ACOX3: variants seen among roughly 807,000 people sequenced by gnomAD.
ACOX3 encodes the protein acyl-CoA oxidase 3, pristanoyl, also known as peroxisomal acyl-coenzyme A oxidase 3.
A neutral mutation model predicts 81.5 loss-of-function variants in ACOX3; 73 were observed. The observed-to-expected ratio is 0.90, with a 90% CI of 0.74 to 1.09. ACOX3 has a LOEUF of 1.09. Among genes scored for constraint, ACOX3 ranks in the 50% least tolerant of loss-of-function variants. The pLI, the probability that ACOX3 is intolerant of heterozygous loss-of-function variation, is 0.00. For missense variants in ACOX3, 947 were observed against 928.0 expected, an observed-to-expected ratio of 1.02 and a Z score of -0.27; for synonymous variants, 387 against 375.1, an observed-to-expected ratio of 1.03 and a Z score of -0.37.
intron 7 of ACOX3, among the ~76,000 whole-genome samples, chr4:8,403,477 C>T (rs962054102): frequency 3.9e-5 from 6 of 152,202 alleles, no homozygotes; most frequent in Admixed American, 6.5e-5. Context: ...CCTTCAAAGG[C>T]TCAGGGATCA....
At chr4:8,356,934 C>G in the ACOX3 span, 1,758 of 423,452 alleles carry the variant, frequency 4.2e-3, no homozygotes, top group African/African-American at 0.044. Flanking sequence ...TCCCAGCAGG[C>G]GAGAAGAAGA....
In ACOX3 at chr4:8,386,777, G is replaced by C. The variant is rs1183838998; in HGVS notation, c.1537+2396C>G. Among the ~76,000 whole-genome samples the C allele has an allele frequency of 6.6e-6, 1 of 152,126 alleles. No individual in the cohort carries two copies. On this transcript the variant is annotated intron_variant, in intron 13 of 17. Coordinates refer to ENST00000356406, the MANE Select transcript of ACOX3 (RefSeq NM_003501.3). This position sits in a 1 kb window ranked among gnomAD's most constrained non-coding sequence, Gnocchi z 5.2. ...GCTGACGGTGCGGGCAGGGGAAGGC[G>C]CTGGGAAGCCGGACCGGCCCAGGCT...
intron 17 of ACOX3, among the ~76,000 whole-genome samples, chr4:8,369,066 CT>C (rs1444544852): frequency 5.9e-5 from 9 of 152,236 alleles, no homozygotes; most frequent in African/African-American, 2.2e-4. Context: ...CAGGGGGCCC[CT>C]CCATCATGGG....
Position 8,416,455 on chromosome 4 carries a change from C to T in ACOX3, c.67G>A (p.Ala23Thr), listed in dbSNP as rs749406012. 1 of 1,614,118 alleles carries T rather than the reference C, an allele frequency of 6.2e-7. No individual in the cohort carries two copies. The highest frequency in any genetic ancestry group is 1.1e-5 in the South Asian group (1 of 91,074). ...CTGAAGGACGCTCTTGCTCGGTAGG[C>T]ATCGAGGGGCCCCCTGGGGAATTCT... ...LPEFPRGPLD[A>T]YRARASFSWK... is the part of the protein sequence containing the mutation. Residue 23 changes from alanine (A) to threonine (T), a missense_variant, in exon 2 of 18, where the codon GCC becomes ACC. Ala to Thr is a moderately conservative substitution (Grantham distance 58). Coordinates refer to ENST00000356406, the MANE Select transcript of ACOX3 (RefSeq NM_003501.3). This position sits in a 1 kb window ranked among gnomAD's most constrained non-coding sequence, Gnocchi z 4.2.
Position 8,382,116 on chromosome 4 carries a change from G to A in ACOX3, c.1538-509C>T, listed in dbSNP as rs1298450141. On this transcript the variant is annotated intron_variant, in intron 13 of 17. Transcript: ENST00000356406. The surrounding 1 kb of genome is among the most constrained non-coding windows in gnomAD (Gnocchi z 4.1). Reference sequence around the variant, plus strand: ...CCGCATGCTGGAGCTGTGGAACTGGGGACTGACATGGTGGGGGAGGGGGGA... The same window carrying A: ...CCGCATGCTGGAGCTGTGGAACTGGAGACTGACATGGTGGGGGAGGGGGGA... Among the ~76,000 whole-genome samples the A allele has an allele frequency of 6.6e-6, 1 of 152,212 alleles. No homozygotes were observed. Among genetic ancestry groups the A allele is most frequent in the African/African-American group, 2.4e-5 (1 of 41,448 alleles).
At position 8,370,769 on chromosome 4, in the gene ACOX3, G is replaced by C; in HGVS notation, c.1983+139C>G. The C allele has an allele frequency of 1.4e-6, 1 of 705,774 alleles. No homozygotes were observed. Among genetic ancestry groups the C allele is most frequent in the Non-Finnish European group, 2.4e-6 (1 of 418,560 alleles). The allele number at this position is 705,774 out of a possible 1,614,324, so 43.7% of individuals were successfully genotyped here. On this transcript the variant is annotated intron_variant, in intron 17 of 17. Coordinates refer to ENST00000356406, the MANE Select transcript of ACOX3 (RefSeq NM_003501.3). The surrounding 1 kb of genome is among the most constrained non-coding windows in gnomAD (Gnocchi z 6.3). ...GAGTGAGACAGTCCTGACTTGTCCC[G>C]GGCCCTCCCCAAGAAGCTCCTCCAT...
At chr4:8,408,136 A>T (rs372622661) in intron 6 of ACOX3, among the ~76,000 whole-genome samples, 2,892 of 152,232 alleles carry the variant, frequency 0.019, 70 homozygotes, top group African/African-American at 0.063. Flanking sequence ...TCAATTCACC[A>T]TCTAACTTCA....
At position 8,384,605 on chromosome 4, in the gene ACOX3, A is replaced by G. The variant is rs1268229470; in HGVS notation, c.1538-2998T>C. ...TGCCCCCAGCCGCCCTGTGCACCCA[A>G]TGACTGCCCCTCGATCTGCCCCCTC... On this transcript the variant is annotated intron_variant, in intron 13 of 17. Coordinates refer to ENST00000356406, the MANE Select transcript of ACOX3 (RefSeq NM_003501.3). This position sits in a 1 kb window ranked among gnomAD's most constrained non-coding sequence, Gnocchi z 5.3. Among the ~76,000 whole-genome samples the G allele has an allele frequency of 6.6e-6, 1 of 152,028 alleles. No individual in the cohort carries two copies. Among genetic ancestry groups the G allele is most frequent in the African/African-American group, 2.4e-5 (1 of 41,406 alleles).
rs536656667 is a variant in ACOX3, at chr4:8,425,300, G to A, written c.-14-8765C>T. Among the ~76,000 whole-genome samples the A allele has an allele frequency of 2.0e-5, 3 of 152,120 alleles. No homozygotes were observed. The South Asian group carries it at 6.2e-4, about 32-fold the overall frequency. ...CTTATAGAAGGACCCCTAGTATGGGGTAATCCCCTGTAGGAAACCAAGCCC... is the reference window on the plus strand; with the variant it reads ...CTTATAGAAGGACCCCTAGTATGGGATAATCCCCTGTAGGAAACCAAGCCC... On this transcript the variant is annotated intron_variant, in intron 1 of 17. Coordinates refer to ENST00000356406, the MANE Select transcript of ACOX3 (RefSeq NM_003501.3).
chr4:8,373,943 G>A (rs779827425), intron 15 of ACOX3: 56 of 428,058 alleles, frequency 1.3e-4, no homozygotes, highest in Non-Finnish European at 2.1e-4. Context: ...AGGCTGGGCG[G>A]GTTCCTTCCT....
chr4:8,434,064 A>AATT (rs963897298), intron 1 of ACOX3, among the ~76,000 whole-genome samples: 1 of 152,176 alleles, frequency 6.6e-6, no homozygotes, highest in Non-Finnish European at 1.5e-5. Context: ...TAATAATAAT[A>AATT]ATAATAACAT....
rs1180432297 is a variant in ACOX3, at chr4:8,392,389, G to A, written c.1244C>T (p.Thr415Ile). The change falls in exon 11 of 18, where the codon ACC becomes ATC. Residue 415 changes from threonine (T) to isoleucine (I), a missense_variant. Coordinates refer to ENST00000356406, the MANE Select transcript of ACOX3 (RefSeq NM_003501.3). ...SASKPLASWT[T>I]QQGIQECREA... is the part of the protein sequence containing the mutation. ...CCGGCATTCCTGAATTCCTTGCTGG[G>A]TGGTCCACGAGGCCAGGGGCTTGCT... 1 of 1,609,322 alleles carries A rather than the reference G, an allele frequency of 6.2e-7. No homozygotes were observed. The highest frequency in any genetic ancestry group is 1.7e-5 in the Admixed American group (1 of 58,490).
At chr4:8,404,598 A>C (rs1266644830) in intron 7 of ACOX3, among the ~76,000 whole-genome samples, 1 of 151,916 alleles carries the variant, frequency 6.6e-6, no homozygotes, top group African/African-American at 2.4e-5. Context: ...GATTTAAGAC[A>C]CTCCCTGCCC....
In ACOX3 at chr4:8,387,566, G is replaced by A. The variant is rs12509044; in HGVS notation, c.1537+1607C>T. ...AGTGAGGCGATGGCGAGATGGAGGC[G>A]TTGCTGCGGCTTTGAGCTGTTCTCT... On this transcript the variant is annotated intron_variant, in intron 13 of 17. Transcript: ENST00000356406. 6.6e-3 allele frequency among the ~76,000 whole-genome samples: 1,001 copies of A among 152,362 alleles called. 5 individuals carry two copies. Among genetic ancestry groups the A allele is most frequent in the South Asian group, 0.027 (131 of 4,828 alleles).
intron 1 of ACOX3, among the ~76,000 whole-genome samples, chr4:8,429,802 C>A (rs1723846245): frequency 6.6e-6 from 1 of 152,148 alleles, no homozygotes. Context: ...GCGTTGTGCG[C>A]CATGGTTCTC....
intron 1 of ACOX3, among the ~76,000 whole-genome samples, chr4:8,425,048 C>A (rs899224412): frequency 6.6e-6 from 1 of 152,308 alleles, no homozygotes; most frequent in East Asian, 1.9e-4. Flanking sequence ...GTCCTCCATG[C>A]CCATGCAGCA....
At chr4:8,417,029 C>T (rs1722415404) in intron 1 of ACOX3, among the ~76,000 whole-genome samples, 1 of 152,276 alleles carries the variant, frequency 6.6e-6, no homozygotes, top group Admixed American at 6.5e-5. Flanking sequence ...CACAGGGCCT[C>T]CAGCACAGAA....
At position 8,406,746 on chromosome 4, in the gene ACOX3, C is replaced by G. The variant is rs1721012968; in HGVS notation, c.688-703G>C. ...AAGACAGCTTACGCCATTATTTCTG[C>G]TTATTAGAGACTTTTAGTACTTTCA... On this transcript the variant is annotated intron_variant, in intron 6 of 17. Coordinates refer to ENST00000356406, the MANE Select transcript of ACOX3 (RefSeq NM_003501.3). The surrounding 1 kb of genome is among the most constrained non-coding windows in gnomAD (Gnocchi z 5.6). Among the ~76,000 whole-genome samples the G allele has an allele frequency of 6.6e-6, 1 of 152,204 alleles. No homozygotes were observed. The highest frequency in any genetic ancestry group is 2.1e-4 in the South Asian group (1 of 4,836).
rs1022434866 is a variant in ACOX3 at position 8,384,599 on chromosome 4, C to A, written c.1538-2992G>T. On this transcript the variant is annotated intron_variant, in intron 13 of 17. Coordinates refer to ENST00000356406, the MANE Select transcript of ACOX3 (RefSeq NM_003501.3). This position sits in a 1 kb window ranked among gnomAD's most constrained non-coding sequence, Gnocchi z 5.3. ...CGAAGGTGCCCCCAGCCGCCCTGTG[C>A]ACCCAATGACTGCCCCTCGATCTGC... is the stretch of plus-strand genomic sequence containing the variant. Among the ~76,000 whole-genome samples the A allele has an allele frequency of 1.3e-5, 2 of 152,182 alleles. No homozygotes were observed. Among genetic ancestry groups the A allele is most frequent in the African/African-American group, 4.8e-5 (2 of 41,452 alleles).
Sources: gnomAD v4.1 joint callset for allele counts (sites outside exome capture counted in the v4.1 genomes callset) on GRCh38, gnomAD v4.1.1 for gene constraint, Gnocchi (gnomAD v3.1) non-coding constraint, MANE v1.5 for transcripts, NCBI Gene and HGNC (gene_info 2026-07-23, HGNC 2026-07-21) for gene names.